Variants in PUS7 observed in about 807,000 individuals in gnomAD.
The protein encoded by PUS7 is pseudouridylate synthase 7 homolog.
In PUS7, 48 loss-of-function variants were observed where a neutral mutation model predicts 79.8. The ratio of observed to expected loss-of-function variants is 0.60; its 90% CI spans 0.48 to 0.76. PUS7 has a LOEUF of 0.76. Among genes scored for constraint, PUS7 ranks in the 30% least tolerant of loss-of-function variants. The probability of loss-of-function intolerance (pLI) is 0.00; values close to 1 mark genes in which losing one functional copy is unlikely to be tolerated. For synonymous variants in PUS7, 286 were observed against 272.2 expected (o/e 1.05, Z -0.50); for missense variants, 729 against 797.6 (o/e 0.91, Z 1.04).
chr7:105,492,350 A>T (rs1304880048), intron 6 of PUS7, among the ~76,000 whole-genome samples: 3 of 151,210 alleles, frequency 2.0e-5, no homozygotes, highest in Non-Finnish European at 4.4e-5. Context: ...TTTGAGACGG[A>T]GTCTCTCTCT....
At chr7:105,505,887 C>T (rs1825434252) in intron 4 of PUS7, 68 bp downstream of exon 4, 2 of 1,232,342 alleles carry the variant, frequency 1.6e-6, no homozygotes, top group South Asian at 2.6e-5. Context: ...TTTCCATAAA[C>T]ACTTAACATC....
chr7:105,507,306 A>G (rs188153689), intron 2 of PUS7, among the ~76,000 whole-genome samples: 1 of 152,130 alleles, frequency 6.6e-6, no homozygotes, highest in African/African-American at 2.4e-5. Flanking sequence ...TTGGCCTCCC[A>G]AAGTGCTGGG....
At chr7:105,497,678 G>A (rs144948830) in intron 5 of PUS7, among the ~76,000 whole-genome samples, 115 of 152,224 alleles carry the variant, frequency 7.6e-4, no homozygotes, top group African/African-American at 2.8e-3. Context: ...GTTTTTGGAT[G>A]TGATAATAGT....
intron 6 of PUS7, among the ~76,000 whole-genome samples, chr7:105,492,631 A>G (rs1393394053): frequency 1.4e-5 from 2 of 145,728 alleles, no homozygotes; most frequent in African/African-American, 5.1e-5. Context: ...TCAGCCTCCC[A>G]AGTAGCTGGG....
intron 9 of PUS7, among the ~76,000 whole-genome samples, chr7:105,477,127 T>C (rs1350887833): frequency 7.2e-5 from 11 of 152,230 alleles, no homozygotes. Flanking sequence ...GTGCTTTTGG[T>C]CTCATATCCA....
chr7:105,488,269 A>AT (rs1178942168), intron 7 of PUS7, among the ~76,000 whole-genome samples: 1 of 152,180 alleles, frequency 6.6e-6, no homozygotes, highest in Non-Finnish European at 1.5e-5. Flanking sequence ...ACAAGATGCC[A>AT]TTTTTTGACC....
chr7:105,514,367 G>A (rs1462974912), intron 1 of PUS7, among the ~76,000 whole-genome samples: 7 of 152,108 alleles, frequency 4.6e-5, no homozygotes, highest in Non-Finnish European at 1.0e-4. Context: ...CACTTTGGGA[G>A]GCCAAGGCAG....
chr7:105,465,213 T>C (rs910256983), intron 13 of PUS7, 100 bp downstream of exon 13: 7 of 721,944 alleles, frequency 9.7e-6, no homozygotes, highest in Middle Eastern at 3.4e-4. Flanking sequence ...CATCCCTTTC[T>C]GGGAGACTGT....
intron 13 of PUS7, among the ~76,000 whole-genome samples, chr7:105,464,991 G>T (rs1367424302): frequency 6.6e-6 from 1 of 151,928 alleles, no homozygotes; most frequent in Non-Finnish European, 1.5e-5. Context: ...GCTAATTTTT[G>T]TATTTTTAGT....
chr7:105,486,206 C>T (rs759069484), intron 7 of PUS7, among the ~76,000 whole-genome samples: 2 of 151,928 alleles, frequency 1.3e-5, no homozygotes, highest in African/African-American at 4.8e-5. Flanking sequence ...ACGCCTGCCA[C>T]CAAGCCCAGC....
intron 1 of PUS7, among the ~76,000 whole-genome samples, chr7:105,518,624 T>A (rs1192133244): frequency 6.6e-6 from 1 of 152,112 alleles, no homozygotes; most frequent in Non-Finnish European, 1.5e-5. Context: ...AGTCTCAAAC[T>A]CCTGAGCTCA....
chr7:105,476,803 C>T (rs1416515390), intron 9 of PUS7, among the ~76,000 whole-genome samples: 1 of 152,184 alleles, frequency 6.6e-6, no homozygotes, highest in Admixed American at 6.5e-5. Context: ...GCCTTCCCAA[C>T]GGATATGAAG....
chr7:105,507,662 C>T (rs1349282444), intron 2 of PUS7, among the ~76,000 whole-genome samples: 1 of 152,112 alleles, frequency 6.6e-6, no homozygotes, highest in Admixed American at 6.6e-5. Flanking sequence ...CTGCCTCAGC[C>T]TCCCGAGTAG....
chr7:105,507,243 G>A (rs185596180), intron 2 of PUS7, among the ~76,000 whole-genome samples: 2 of 151,792 alleles, frequency 1.3e-5, no homozygotes, highest in East Asian at 3.9e-4. Context: ...ACAGGGTTTC[G>A]CCATGTTGCC....
intron 7 of PUS7, among the ~76,000 whole-genome samples, chr7:105,485,141 C>T (rs1018038501): frequency 6.6e-6 from 1 of 152,002 alleles, no homozygotes; most frequent in Non-Finnish European, 1.5e-5. Context: ...AGGGGTCAGC[C>T]ACCACACCTG....
Position 105,468,357 on chromosome 7 carries a change from C to A in PUS7, c.1505G>T (p.Gly502Val). 6.2e-7 allele frequency: 1 copy of A among 1,613,266 alleles called. No homozygotes were observed. Residue 502 changes from glycine (G) to valine (V), a missense_variant, in exon 12 of 16, where the codon GGG becomes GTG. Physicochemically the swap from Gly to Val is moderately radical, Grantham distance 109 (BLOSUM62 -3). Transcript: ENST00000469408. ...TTTACCTCCTTTGAGAACGAGGTCCCCTGGAACAGGTTTTAGTCCATAGTC... is the reference window on the plus strand; with the variant it reads ...TTTACCTCCTTTGAGAACGAGGTCCACTGGAACAGGTTTTAGTCCATAGTC... ...IEDYGLKPVP[G>V]DLVLKGATAT...
chr7:105,492,727 T>TC (rs1269198787), intron 6 of PUS7, among the ~76,000 whole-genome samples: 1 of 151,794 alleles, frequency 6.6e-6, no homozygotes, highest in Admixed American at 6.6e-5. Context: ...CGGGATGGTC[T>TC]CGATCTCCTG....
intron 1 of PUS7, among the ~76,000 whole-genome samples, chr7:105,511,024 T>G (rs908743551): frequency 2.0e-5 from 3 of 151,846 alleles, no homozygotes; most frequent in Admixed American, 6.6e-5. Context: ...GATGATTAAC[T>G]AAATGTTATT....
At chr7:105,462,363 C>A in intron 14 of PUS7, 2 of 344,322 alleles carry the variant, frequency 5.8e-6, no homozygotes, top group Non-Finnish European at 5.2e-6. Flanking sequence ...ACCTGGGAGG[C>A]AGAAGTTGCA....
Sources: allele counts gnomAD v4.1 joint callset (sites outside exome capture counted in the v4.1 genomes callset), GRCh38; gene constraint gnomAD v4.1.1; transcripts MANE v1.5; gene names NCBI Gene and HGNC (gene_info 2026-07-23, HGNC 2026-07-21).